Variants in IGSF10 observed in about 807,000 individuals in gnomAD.
IGSF10 encodes calvaria mechanical force protein 608.
A neutral mutation model predicts 128.2 loss-of-function variants in IGSF10; 126 were observed. The observed-to-expected ratio is 0.98, with a 90% CI of 0.85 to 1.14. The LOEUF (loss-of-function observed/expected upper bound fraction) is 1.14, where lower values mean the gene tolerates loss of function less well. Among genes scored for constraint, IGSF10 ranks in the 50% most tolerant of loss-of-function variants. The pLI, the probability that IGSF10 is intolerant of heterozygous loss-of-function variation, is 0.00. For synonymous variants in IGSF10, 1,185 were observed against 1,146.2 expected, an observed-to-expected ratio of 1.03 and a Z score of -0.68; for missense variants, 3,295 against 3,149.8, an observed-to-expected ratio of 1.05 and a Z score of -1.10.
chr3:151,606,142 C>T, the IGSF10 span, among the ~76,000 whole-genome samples: 1 of 152,226 alleles, frequency 6.6e-6, no homozygotes, highest in Non-Finnish European at 1.5e-5. Flanking sequence ...CCTGTCTAAA[C>T]ATGCACGTGC....
chr3:151,465,271 A>G (rs1467588983), upstream of IGSF10, among the ~76,000 whole-genome samples: 2 of 152,240 alleles, frequency 1.3e-5, no homozygotes, highest in East Asian at 3.8e-4. Context: ...AGTAGATAAA[A>G]GTTAGAAACC....
At chr3:151,585,797 C>G in the IGSF10 span, among the ~76,000 whole-genome samples, 2 of 151,972 alleles carry the variant, frequency 1.3e-5, no homozygotes, top group Admixed American at 6.6e-5. Flanking sequence ...ACCTCTTGTG[C>G]CTTGGTGAAC....
chr3:151,523,419 A>T, the IGSF10 span, among the ~76,000 whole-genome samples: 3 of 152,226 alleles, frequency 2.0e-5, no homozygotes, highest in East Asian at 5.8e-4. Context: ...TTCAAACTGT[A>T]CTGCAGGGCT....
chr3:151,581,729 T>C, the IGSF10 span, among the ~76,000 whole-genome samples: 2 of 152,364 alleles, frequency 1.3e-5, no homozygotes, highest in South Asian at 4.1e-4. Context: ...ATAGCTTCTT[T>C]CAATTCTCCA....
At chr3:151,617,758 G>T in the IGSF10 span, among the ~76,000 whole-genome samples, 9 of 152,112 alleles carry the variant, frequency 5.9e-5, no homozygotes, top group African/African-American at 2.2e-4. Context: ...TTAATCCCCA[G>T]TGTAACAGTA....
the IGSF10 span, among the ~76,000 whole-genome samples, chr3:151,520,104 G>GA: frequency 8.0e-5 from 12 of 150,452 alleles, no homozygotes; most frequent in African/African-American, 2.9e-4. Flanking sequence ...ACTTCCATTT[G>GA]AAAAAAAAGT....
the IGSF10 span, among the ~76,000 whole-genome samples, chr3:151,514,533 A>T: frequency 4.6e-5 from 7 of 152,294 alleles, no homozygotes; most frequent in Admixed American, 3.9e-4. Flanking sequence ...AACCTAGGCA[A>T]TACCATTCAG....
intron 5 of IGSF10, 37 bp from the exon 6 acceptor site, chr3:151,449,302 C>A: frequency 6.7e-7 from 1 of 1,501,484 alleles, no homozygotes; most frequent in South Asian, 1.4e-5. Context: ...CAGTTGTGAC[C>A]TCTTTATGAA....
the IGSF10 span, among the ~76,000 whole-genome samples, chr3:151,587,385 G>C: frequency 2.8e-3 from 422 of 152,308 alleles, 1 homozygote; most frequent in Admixed American, 5.6e-3. Flanking sequence ...ATATTAGTCT[G>C]TTGAGAATGT....
chr3:151,476,528 AGGAGGTATCTTCC>A, the IGSF10 span, among the ~76,000 whole-genome samples: 1 of 152,070 alleles, frequency 6.6e-6, no homozygotes, highest in Non-Finnish European at 1.5e-5. Flanking sequence ...TTCCGGCCAG[AGGAGGTATCTTCC>A]GGCCAGCTCT....
At chr3:151,550,094 C>A in the IGSF10 span, among the ~76,000 whole-genome samples, 1 of 152,022 alleles carries the variant, frequency 6.6e-6, no homozygotes, top group Non-Finnish European at 1.5e-5. Flanking sequence ...AGCAACAAAG[C>A]AAAGGGAGAA....
the IGSF10 span, among the ~76,000 whole-genome samples, chr3:151,502,860 G>C: frequency 6.6e-6 from 1 of 152,018 alleles, no homozygotes; most frequent in Non-Finnish European, 1.5e-5. Flanking sequence ...AACCAGAAAG[G>C]TGCTTTCGTC....
chr3:151,511,320 T>G, the IGSF10 span, among the ~76,000 whole-genome samples: 2 of 152,138 alleles, frequency 1.3e-5, no homozygotes. Flanking sequence ...TCAACATTCT[T>G]AAAGAAAAGA....
downstream of IGSF10, chr3:151,436,151 T>A (rs1483202076): frequency 2.6e-5 from 4 of 152,296 alleles, no homozygotes; most frequent in African/African-American, 9.6e-5. Context: ...TCCCCATCAA[T>A]GAAAATTTTC....
At chr3:151,484,741 A>AC in the IGSF10 span, among the ~76,000 whole-genome samples, 1 of 151,774 alleles carries the variant, frequency 6.6e-6, no homozygotes, top group Non-Finnish European at 1.5e-5. Flanking sequence ...AAAAAAAAAA[A>AC]AAAGAATAGA....
the IGSF10 span, among the ~76,000 whole-genome samples, chr3:151,494,292 AT>A: frequency 0.48 from 72,815 of 151,830 alleles, 17,850 homozygotes; most frequent in African/African-American, 0.57. Context: ...AGAAACAATG[AT>A]TTTTCAACAT....
At chr3:151,478,445 T>TC in the IGSF10 span, among the ~76,000 whole-genome samples, 2 of 152,220 alleles carry the variant, frequency 1.3e-5, no homozygotes, top group Admixed American at 1.3e-4. Flanking sequence ...AAAAGTCACT[T>TC]TTTGGACAGA....
chr3:151,510,849 G>C, the IGSF10 span, among the ~76,000 whole-genome samples: 1 of 151,560 alleles, frequency 6.6e-6, no homozygotes, highest in African/African-American at 2.4e-5. Flanking sequence ...CGATCAACTG[G>C]AAGAAAGGGT....
chr3:151,530,232 T>C, the IGSF10 span, among the ~76,000 whole-genome samples: 1 of 152,090 alleles, frequency 6.6e-6, no homozygotes, highest in South Asian at 2.1e-4. Flanking sequence ...AATCTATGTT[T>C]GATAGGATGA....
Sources: allele counts gnomAD v4.1 joint callset (sites outside exome capture counted in the v4.1 genomes callset), GRCh38; gene constraint gnomAD v4.1.1; transcripts MANE v1.5; gene names NCBI Gene and HGNC (gene_info 2026-07-23, HGNC 2026-07-21).